Variants in STON2 observed in about 807,000 individuals in gnomAD.
The protein encoded by STON2 is stonin 2.
STON2 carries 29 observed loss-of-function variants against 65.7 expected under a neutral mutation model. The observed-to-expected ratio is 0.44, with a 90% confidence interval of 0.33 to 0.60. The LOEUF (loss-of-function observed/expected upper bound fraction) is 0.60. Among genes scored for constraint, STON2 ranks in the 20% least tolerant of loss-of-function variants. The pLI, the probability that STON2 is intolerant of heterozygous loss-of-function variation, is 0.03. For synonymous variants in STON2, 404 were observed against 414.2 expected (o/e 0.98, Z 0.30); for missense variants, 1,054 against 1,118.1 (o/e 0.94, Z 0.82).
intron 5 of STON2, among the ~76,000 whole-genome samples, chr14:81,293,591 T>C (rs897138596): frequency 6.6e-6 from 1 of 152,170 alleles, no homozygotes; most frequent in Non-Finnish European, 1.5e-5. Flanking sequence ...CCACTCCGAC[T>C]CTGAGCTTGG....
At chr14:81,362,074 G>A (rs1462777741) in intron 4 of STON2, among the ~76,000 whole-genome samples, 1 of 151,946 alleles carries the variant, frequency 6.6e-6, no homozygotes. Context: ...TTATGAAAAA[G>A]GTTCCTCAGA....
chr14:81,335,816 T>C (rs532676491), intron 4 of STON2, among the ~76,000 whole-genome samples: 1 of 152,152 alleles, frequency 6.6e-6, no homozygotes, highest in South Asian at 2.1e-4. Context: ...AAAAATTATT[T>C]TGTTGAGTAG....
intron 3 of STON2, among the ~76,000 whole-genome samples, chr14:81,380,691 G>A (rs1899472220): frequency 6.6e-6 from 1 of 152,072 alleles, no homozygotes; most frequent in South Asian, 2.1e-4. Flanking sequence ...TGGAGCTGGA[G>A]GTCATTATCC....
intron 6 of STON2, among the ~76,000 whole-genome samples, chr14:81,272,130 G>A (rs1489889660): frequency 6.6e-6 from 1 of 152,228 alleles, no homozygotes; most frequent in African/African-American, 2.4e-5. Flanking sequence ...GCTGAGGCAG[G>A]AGAATGGTGT....
intron 3 of STON2, among the ~76,000 whole-genome samples, chr14:81,377,038 C>A (rs568652416): frequency 9.2e-5 from 14 of 152,172 alleles, no homozygotes; most frequent in African/African-American, 3.4e-4. Context: ...GTATCTAGTT[C>A]TATGCAATGT....
intron 4 of STON2, among the ~76,000 whole-genome samples, chr14:81,363,219 T>C (rs1475803699): frequency 2.6e-5 from 4 of 152,214 alleles, no homozygotes; most frequent in Non-Finnish European, 5.9e-5. Context: ...TATGTACTTT[T>C]AAATTGTGAA....
At chr14:81,337,076 T>C (rs910221576) in intron 4 of STON2, among the ~76,000 whole-genome samples, 1 of 152,164 alleles carries the variant, frequency 6.6e-6, no homozygotes, top group African/African-American at 2.4e-5. Flanking sequence ...AGATAATGTA[T>C]ACGAAAGTGT....
chr14:81,342,641 T>G (rs1230891933), intron 4 of STON2, among the ~76,000 whole-genome samples: 3 of 152,048 alleles, frequency 2.0e-5, no homozygotes, highest in Admixed American at 2.0e-4. Context: ...CCCATAAGTC[T>G]AGGGGCACAC....
chr14:81,396,221 C>T, intron 2 of STON2, 43 bp from the exon 3 acceptor site: 2 of 1,544,296 alleles, frequency 1.3e-6, no homozygotes, highest in African/African-American at 1.4e-5. Context: ...AGGAAGGCCG[C>T]TCTTCAGAGC....
chr14:81,375,720 G>A (rs945439166), intron 3 of STON2, among the ~76,000 whole-genome samples: 15 of 151,656 alleles, frequency 9.9e-5, no homozygotes, highest in African/African-American at 3.4e-4. Context: ...CACTCAACCG[G>A]TGAAGAATGC....
intron 3 of STON2, 28 bp from the exon 4 acceptor site, chr14:81,371,213 T>A (rs1301033010): frequency 6.3e-7 from 1 of 1,598,084 alleles, no homozygotes. Context: ...ACCAAAAGCA[T>A]ACAATATAAA....
At position 81,263,537 on chromosome 14, in the gene STON2, CAAA is replaced by C. The variant is rs59359589; in HGVS notation, c.*4874_*4876del. The C allele has an allele frequency of 0.014, 1,164 of 80,896 alleles. 3 individuals carry two copies. Among genetic ancestry groups the C allele is most frequent in the African/African-American group, 0.051 (1,081 of 20,998 alleles). 5.0% of individuals were successfully genotyped at this position (80,896 alleles called of 1,614,324 possible). A position where few individuals can be genotyped will look rare whatever the true frequency, so the allele number is the denominator to read the frequency against. On this transcript the variant is annotated 3_prime_UTR_variant, in exon 8 of 8. Transcript: ENST00000614646. Reference sequence around the variant, plus strand: ...TGGGTGACAGACTGAGACTCCGTCTCAAAAAAAAAAAAAAAAAAAAAAACAAAA... The same window carrying C: ...TGGGTGACAGACTGAGACTCCGTCTCAAAAAAAAAAAAAAAAAAAACAAAA...
At chr14:81,396,852 G>A (rs1235076017) in intron 2 of STON2, among the ~76,000 whole-genome samples, 3 of 152,052 alleles carry the variant, frequency 2.0e-5, no homozygotes, top group African/African-American at 4.8e-5. Context: ...TGAGGTCAGC[G>A]GTTCGAGACC....
intron 4 of STON2, among the ~76,000 whole-genome samples, chr14:81,345,198 A>G (rs1382581709): frequency 6.6e-6 from 1 of 152,344 alleles, no homozygotes; most frequent in Middle Eastern, 3.4e-3. Context: ...GTTACATAGT[A>G]TTATGGGCTG....
intron 4 of STON2, among the ~76,000 whole-genome samples, chr14:81,359,031 C>A (rs1386877263): frequency 6.6e-6 from 1 of 152,092 alleles, no homozygotes; most frequent in Non-Finnish European, 1.5e-5. Context: ...ACACTTTAGA[C>A]CAAATGGACC....
intron 4 of STON2, among the ~76,000 whole-genome samples, chr14:81,363,307 A>G (rs1213155020): frequency 6.6e-6 from 1 of 152,172 alleles, no homozygotes; most frequent in Non-Finnish European, 1.5e-5. Flanking sequence ...CATAGAAACA[A>G]TTTTAAAAAT....
Position 81,262,930 on chromosome 14 carries a change from CAAGAT to C in STON2, c.*5479_*5483del, listed in dbSNP as rs1181150355. On this transcript the variant is annotated 3_prime_UTR_variant, in exon 8 of 8. Transcript: ENST00000614646. Reference sequence around the variant, plus strand: ...ATATCTAAAGCCAGTCTCATTTAAACAAGATAAGAAATGGTTTGTGGGGAATTAGC... The same window carrying C: ...ATATCTAAAGCCAGTCTCATTTAAACAAGAAATGGTTTGTGGGGAATTAGC... 8 of 985,332 alleles carry C rather than the reference CAAGAT, an allele frequency of 8.1e-6. No individual in the cohort carries two copies. The highest frequency in any genetic ancestry group is 8.4e-6 in the Non-Finnish European group (7 of 829,886). 61.0% of individuals were successfully genotyped at this position (985,332 alleles called of 1,614,324 possible). A position where few individuals can be genotyped will look rare whatever the true frequency, so the allele number is the denominator to read the frequency against.
intron 4 of STON2, among the ~76,000 whole-genome samples, chr14:81,367,918 A>G (rs1260001594): frequency 6.6e-6 from 1 of 152,178 alleles, no homozygotes. Context: ...GAATAGGGAG[A>G]TTTCAAAGTA....
chr14:81,376,756 T>C (rs1320273736), intron 3 of STON2, among the ~76,000 whole-genome samples: 2 of 152,124 alleles, frequency 1.3e-5, no homozygotes, highest in African/African-American at 4.8e-5. Context: ...AAACAAATTA[T>C]CAAAGAGAAT....
Sources: gnomAD v4.1 joint callset for allele counts (sites outside exome capture counted in the v4.1 genomes callset) on GRCh38, gnomAD v4.1.1 for gene constraint, MANE v1.5 for transcripts, NCBI Gene and HGNC (gene_info 2026-07-23, HGNC 2026-07-21) for gene names.